Variants in RASGEF1C observed in about 807,000 individuals in gnomAD.
The protein encoded by RASGEF1C is RasGEF domain family member 1C, also known as ras-GEF domain-containing family member 1C.
In RASGEF1C, 27 loss-of-function variants were observed where a neutral mutation model predicts 58.1. That is an observed-to-expected ratio of 0.46 (90% CI 0.34 to 0.64). The LOEUF (loss-of-function observed/expected upper bound fraction) is 0.64. RASGEF1C is among the 30% of genes least tolerant of loss of function. The pLI is 0.01. For synonymous variants in RASGEF1C, 243 were observed against 246.3 expected, an observed-to-expected ratio of 0.99 and a Z score of 0.13; for missense variants, 502 against 605.1, an observed-to-expected ratio of 0.83 and a Z score of 1.79.
At chr5:180,173,723 G>C (rs532232673) in intron 1 of RASGEF1C, among the ~76,000 whole-genome samples, 2 of 152,054 alleles carry the variant, frequency 1.3e-5, no homozygotes, top group Admixed American at 6.5e-5. Flanking sequence ...GACCAGCCTG[G>C]CCAACATGGT....
intron 6 of RASGEF1C, among the ~76,000 whole-genome samples, chr5:180,122,751 A>AG: frequency 6.8e-6 from 1 of 147,414 alleles, no homozygotes; most frequent in Non-Finnish European, 1.5e-5. Context: ...AAAAAAAAAA[A>AG]AAAAAACTAA....
intron 1 of RASGEF1C, among the ~76,000 whole-genome samples, chr5:180,169,854 C>A (rs1767078078): frequency 6.6e-6 from 1 of 151,790 alleles, no homozygotes. Context: ...CGCCCTCCCC[C>A]TGTGCAGGCT....
intron 1 of RASGEF1C, among the ~76,000 whole-genome samples, chr5:180,206,677 C>T (rs1290460780): frequency 1.3e-5 from 2 of 152,086 alleles, no homozygotes; most frequent in African/African-American, 4.8e-5. Context: ...TGGAAAAAAA[C>T]AAAATTGTTC....
Position 180,137,883 on chromosome 5 carries a change from T to C in RASGEF1C, c.170A>G (p.Tyr57Cys), listed in dbSNP as rs1766511513. The C allele has an allele frequency of 6.2e-7, 1 of 1,611,848 alleles. No homozygotes were observed. Among genetic ancestry groups the C allele is most frequent in the Admixed American group, 1.7e-5 (1 of 59,746 alleles). The change falls in exon 2 of 14, where the codon TAC (tyrosine) becomes TGC (cysteine). Residue 57 changes from tyrosine (Y) to cysteine (C), a missense_variant. Transcript: ENST00000361132. The surrounding 1 kb of genome is among the most constrained non-coding windows in gnomAD (Gnocchi z 4.1). The stretch of plus-strand genomic sequence containing the variant: ...GCTGGGTGGATCACCCACCTCGGGG[T>C]AGTAGTCGGCTGTGGGCACCAGGTG... Reference protein sequence around the residue: ...IQHLVPTADYYPEKAYIFTFL... With the variant: ...IQHLVPTADYCPEKAYIFTFL...
intron 1 of RASGEF1C, among the ~76,000 whole-genome samples, chr5:180,152,640 C>A (rs547642247): frequency 6.7e-6 from 1 of 150,048 alleles, no homozygotes; most frequent in African/African-American, 2.5e-5. Flanking sequence ...GTGCAGCACA[C>A]CAACATGGCA....
chr5:180,137,789 C>T lies in RASGEF1C; in HGVS notation c.178-77G>A. The T allele has an allele frequency of 6.2e-7, 1 of 1,604,734 alleles. No individual in the cohort carries two copies. Among genetic ancestry groups the T allele is most frequent in the South Asian group, 1.1e-5 (1 of 89,418 alleles). On this transcript the variant is annotated intron_variant, in intron 2 of 13. Transcript: ENST00000361132. The surrounding 1 kb of genome is among the most constrained non-coding windows in gnomAD (Gnocchi z 4.1). ...GCATGCTTCCCAGCTGGCCCTGTAC[C>T]CTGGCCCAAGGTCACGCCCAACCCT...
At chr5:180,110,955 A>G (rs1056227716) in intron 12 of RASGEF1C, among the ~76,000 whole-genome samples, 1 of 152,046 alleles carries the variant, frequency 6.6e-6, no homozygotes, top group Non-Finnish European at 1.5e-5. Context: ...AGCTGGGATT[A>G]CAGGTAGGCA....
chr5:180,208,591 C>G (rs1183179455), intron 1 of RASGEF1C, among the ~76,000 whole-genome samples: 1 of 152,186 alleles, frequency 6.6e-6, no homozygotes, highest in Non-Finnish European at 1.5e-5. Flanking sequence ...ACAGCACCCT[C>G]TTCCCCCAGG....
At chr5:180,109,655 A>T (rs905760065) in intron 12 of RASGEF1C, among the ~76,000 whole-genome samples, 2 of 152,190 alleles carry the variant, frequency 1.3e-5, no homozygotes, top group African/African-American at 4.8e-5. Flanking sequence ...TCCTTATAAG[A>T]GGACGGCAAA....
intron 7 of RASGEF1C, among the ~76,000 whole-genome samples, chr5:180,120,670 CA>C (rs1283633017): frequency 1.3e-5 from 2 of 152,216 alleles, no homozygotes; most frequent in Admixed American, 6.5e-5. Context: ...GTGCATCTCC[CA>C]GTGCTCAAAG....
intron 1 of RASGEF1C, among the ~76,000 whole-genome samples, chr5:180,152,873 T>A (rs894592503): frequency 7.2e-6 from 1 of 139,248 alleles, no homozygotes; most frequent in African/African-American, 2.8e-5. Flanking sequence ...ATTGCGCCAC[T>A]GCACTCCAGC....
At chr5:180,133,329 G>A (rs1024396689) in intron 4 of RASGEF1C, among the ~76,000 whole-genome samples, 5 of 152,178 alleles carry the variant, frequency 3.3e-5, no homozygotes, top group African/African-American at 4.8e-5. Flanking sequence ...GCACAGCGAC[G>A]ACATGGGAGT....
At chr5:180,113,006 CTGGACGGAGGGACCGGGGA>C (rs1472033184) in intron 11 of RASGEF1C, among the ~76,000 whole-genome samples, 5,024 of 18,098 alleles carry the variant, frequency 0.28, 697 homozygotes, top group East Asian at 0.41. Context: ...GGGATCCGGG[CTGGACGGAGGGACCGGGGA>C]TGGACGGAGG....
At chr5:180,170,972 G>A (rs746392464) in intron 1 of RASGEF1C, among the ~76,000 whole-genome samples, 37 of 152,312 alleles carry the variant, frequency 2.4e-4, no homozygotes, top group Non-Finnish European at 2.4e-4. Flanking sequence ...GGCTGTCAGC[G>A]CTGCTGCTCC....
chr5:180,108,493 G>A (rs1192004107), intron 12 of RASGEF1C, among the ~76,000 whole-genome samples: 7 of 152,128 alleles, frequency 4.6e-5, no homozygotes, highest in Admixed American at 1.3e-4. Context: ...GAGCCACCGC[G>A]CCCAGCCGTT....
intron 1 of RASGEF1C, among the ~76,000 whole-genome samples, chr5:180,173,715 C>G (rs1014890111): frequency 6.6e-6 from 1 of 152,072 alleles, no homozygotes; most frequent in Admixed American, 6.5e-5. Flanking sequence ...GAGTTTGAGA[C>G]CAGCCTGGCC....
At chr5:180,111,651 G>A in intron 11 of RASGEF1C, 71 bp from the exon 12 acceptor site, 2 of 1,568,056 alleles carry the variant, frequency 1.3e-6, no homozygotes, top group African/African-American at 1.3e-5. Context: ...GGGAGGGGCT[G>A]GTCCTGGCAG....
Position 180,163,254 on chromosome 5 carries a change from C to CTTTT in RASGEF1C, c.-6-25197_-6-25196insAAAA, listed in dbSNP as rs1187829324. The stretch of plus-strand genomic sequence containing the variant: ...CACTTTTTTTTTTTTTTTTTTTTTC[C>CTTTT]AGCCTATTGCACTGGCTAGGACTTC... On this transcript the variant is annotated intron_variant, in intron 1 of 13. Coordinates refer to ENST00000361132, the MANE Select transcript of RASGEF1C (RefSeq NM_175062.4). 8.2e-4 allele frequency among the ~76,000 whole-genome samples: 58 copies of CTTTT among 71,046 alleles called. 10 individuals are homozygous for CTTTT. Among genetic ancestry groups the CTTTT allele is most frequent in the African/African-American group, 1.8e-3 (28 of 15,966 alleles). The allele number at this position is 71,046 out of a possible 152,430, so 46.6% of individuals were successfully genotyped here.
At chr5:180,205,763 T>G (rs1756476245) in intron 1 of RASGEF1C, among the ~76,000 whole-genome samples, 1 of 151,964 alleles carries the variant, frequency 6.6e-6, no homozygotes, top group South Asian at 2.1e-4. Context: ...AGTCTCACTC[T>G]GTTGCCCAGG....
Sources: allele counts gnomAD v4.1 joint callset (sites outside exome capture counted in the v4.1 genomes callset), GRCh38; gene constraint gnomAD v4.1.1; non-coding constraint Gnocchi (gnomAD v3.1); transcripts MANE v1.5; gene names NCBI Gene and HGNC (gene_info 2026-07-23, HGNC 2026-07-21).